Variants in CYB5R4 observed in about 807,000 individuals in gnomAD.
CYB5R4 encodes the protein cytochrome b5 reductase 4.
CYB5R4 carries 55 observed loss-of-function variants against 70.2 expected under a neutral mutation model. The observed-to-expected ratio is 0.78, with a 90% CI of 0.63 to 0.98. The LOEUF (loss-of-function observed/expected upper bound fraction) is 0.98. CYB5R4 is among the 50% of genes least tolerant of loss of function. The pLI is 0.00. For synonymous variants in CYB5R4, 197 were observed against 199.5 expected, an observed-to-expected ratio of 0.99 and a Z score of 0.11; for missense variants, 562 against 612.6, an observed-to-expected ratio of 0.92 and a Z score of 0.87.
At chr6:83,873,949 T>A (rs1215195634) in intron 2 of CYB5R4, among the ~76,000 whole-genome samples, 1 of 151,994 alleles carries the variant, frequency 6.6e-6, no homozygotes, top group Non-Finnish European at 1.5e-5. Context: ...AAAGGATGGG[T>A]GGTGTGTTTA....
chr6:83,959,097 CA>C (rs1275373120), intron 15 of CYB5R4, among the ~76,000 whole-genome samples: 3 of 152,068 alleles, frequency 2.0e-5, no homozygotes, highest in Non-Finnish European at 4.4e-5. Context: ...TGAATAATCA[CA>C]TAATAAATGA....
intron 10 of CYB5R4, among the ~76,000 whole-genome samples, chr6:83,931,403 G>A (rs2099468114): frequency 6.6e-6 from 1 of 152,196 alleles, no homozygotes; most frequent in Non-Finnish European, 1.5e-5. Flanking sequence ...GACTCCTAGT[G>A]CAGTCTTCTC....
intron 4 of CYB5R4, chr6:83,910,296 G>C: frequency 1.6e-6 from 1 of 642,706 alleles, no homozygotes; most frequent in Non-Finnish European, 2.7e-6. Flanking sequence ...AGACAATTTA[G>C]GTAGACAAAG....
intron 2 of CYB5R4, among the ~76,000 whole-genome samples, chr6:83,873,778 G>A (rs1205553824): frequency 6.6e-6 from 1 of 152,104 alleles, no homozygotes; most frequent in East Asian, 1.9e-4. Flanking sequence ...TCTGCTCGGG[G>A]AACAGAAAGT....
chr6:83,912,780 T>G (rs887516685), intron 4 of CYB5R4, among the ~76,000 whole-genome samples: 2 of 152,340 alleles, frequency 1.3e-5, no homozygotes, highest in African/African-American at 4.8e-5. Context: ...GTAACTCAGT[T>G]TTTGAAAAGA....
intron 3 of CYB5R4, among the ~76,000 whole-genome samples, chr6:83,904,986 G>A (rs1231941728): frequency 2.0e-5 from 3 of 149,718 alleles, no homozygotes; most frequent in Non-Finnish European, 4.4e-5. Flanking sequence ...GTGTCCTTAT[G>A]TTGATATTGC....
chr6:83,948,815 T>A (rs182193165), intron 14 of CYB5R4, among the ~76,000 whole-genome samples: 47 of 152,220 alleles, frequency 3.1e-4, no homozygotes, highest in Non-Finnish European at 6.0e-4. Flanking sequence ...GCTGGAGTTT[T>A]GAGGATGAGG....
chr6:83,919,760 C>CTGTGTGTGTG (rs58002492), intron 7 of CYB5R4, among the ~76,000 whole-genome samples: 98 of 142,084 alleles, frequency 6.9e-4, no homozygotes, highest in African/African-American at 2.0e-3. Context: ...ATGTGTTTTT[C>CTGTGTGTGTG]TGTGTGTGTG....
intron 2 of CYB5R4, among the ~76,000 whole-genome samples, chr6:83,885,336 A>AT (rs2099460076): frequency 6.6e-6 from 1 of 152,214 alleles, no homozygotes; most frequent in African/African-American, 2.4e-5. Flanking sequence ...ACTATGAAGA[A>AT]TTTTTGACCT....
At chr6:83,872,341 A>G (rs913624171) in intron 2 of CYB5R4, among the ~76,000 whole-genome samples, 7 of 152,144 alleles carry the variant, frequency 4.6e-5, no homozygotes, top group Admixed American at 1.3e-4. Flanking sequence ...CTAAGTGTTA[A>G]TTTTCACAAC....
intron 12 of CYB5R4, among the ~76,000 whole-genome samples, chr6:83,938,620 G>A (rs1445848815): frequency 6.6e-6 from 1 of 152,182 alleles, no homozygotes; most frequent in Non-Finnish European, 1.5e-5. Context: ...ATTCTGGCAT[G>A]TGTGCTTTAA....
At chr6:83,911,140 C>T (rs551689828) in intron 4 of CYB5R4, among the ~76,000 whole-genome samples, 7 of 152,224 alleles carry the variant, frequency 4.6e-5, no homozygotes, top group Non-Finnish European at 8.8e-5. Flanking sequence ...TGCGGTGGCT[C>T]ATGCCTGTAA....
At position 83,899,811 on chromosome 6, in the gene CYB5R4, A is replaced by G. The variant is rs1437808374; in HGVS notation, c.330+6189A>G. ...GTATTTCTGTGGGATCAGTGGTGAT[A>G]TCCCCTTTATCATTTTTTATTGCAT... On this transcript the variant is annotated intron_variant, in intron 3 of 15. Coordinates refer to ENST00000369681, the MANE Select transcript of CYB5R4 (RefSeq NM_016230.4). Among the ~76,000 whole-genome samples the G allele has an allele frequency of 3.3e-5, 5 of 152,110 alleles. No homozygotes were observed. The East Asian group carries it at 9.6e-4, about 29-fold the overall frequency.
Position 83,963,949 on chromosome 6 carries a change from C to A in CYB5R4, c.*4071C>A. The A allele has an allele frequency of 4.9e-6, 1 of 203,334 alleles. No individual in the cohort carries two copies. Among genetic ancestry groups the A allele is most frequent in the Non-Finnish European group, 9.6e-6 (1 of 103,728 alleles). 12.6% of individuals were successfully genotyped at this position (203,334 alleles called of 1,614,324 possible). A position where few individuals can be genotyped will look rare whatever the true frequency, so the allele number is the denominator to read the frequency against. ...CTGGTGGTTTTATCAGGGGTTTCCG[C>A]TTTTGCATCTTACTCATTTTCTCTT... On this transcript the variant is annotated 3_prime_UTR_variant, in exon 16 of 16. Transcript: ENST00000369681.
rs2129147875 is a variant in CYB5R4, at chr6:83,966,267, C to G, written c.*6389C>G. 6.6e-6 allele frequency: 1 copy of G among 152,082 alleles called. No individual in the cohort carries two copies. The highest frequency in any genetic ancestry group is 1.9e-4 in the East Asian group (1 of 5,178). 9.4% of individuals were successfully genotyped at this position (152,082 alleles called of 1,614,324 possible). A position where few individuals can be genotyped will look rare whatever the true frequency, so the allele number is the denominator to read the frequency against. Reference sequence around the variant, plus strand: ...TACATTTTAAGTAGATGAATTGTATCTAATTTGAACCATATCTCAGTAAAG... The same window carrying G: ...TACATTTTAAGTAGATGAATTGTATGTAATTTGAACCATATCTCAGTAAAG... On this transcript the variant is annotated 3_prime_UTR_variant, in exon 16 of 16. Transcript: ENST00000369681.
chr6:83,905,004 G>A (rs1398488576), intron 3 of CYB5R4, among the ~76,000 whole-genome samples: 1 of 151,310 alleles, frequency 6.6e-6, no homozygotes, highest in Non-Finnish European at 1.5e-5. Context: ...TGCACATCTG[G>A]TGTAACAGTC....
intron 2 of CYB5R4, among the ~76,000 whole-genome samples, chr6:83,884,822 A>G (rs766597615): frequency 6.6e-6 from 1 of 152,204 alleles, no homozygotes; most frequent in Non-Finnish European, 1.5e-5. Context: ...TATTTGGTAT[A>G]TACGTTATAG....
chr6:83,894,236 A>T (rs763325426), intron 3 of CYB5R4, among the ~76,000 whole-genome samples: 27 of 152,348 alleles, frequency 1.8e-4, no homozygotes, highest in Middle Eastern at 3.4e-3. Flanking sequence ...TTTTAAAGTT[A>T]TGCAGAATGT....
intron 14 of CYB5R4, among the ~76,000 whole-genome samples, chr6:83,943,382 T>A (rs1436418149): frequency 6.6e-6 from 1 of 151,602 alleles, no homozygotes; most frequent in African/African-American, 2.4e-5. Flanking sequence ...CTGACTGTTA[T>A]AAGGTAAACT....
Sources: gnomAD v4.1 joint callset for allele counts (sites outside exome capture counted in the v4.1 genomes callset) on GRCh38, gnomAD v4.1.1 for gene constraint, MANE v1.5 for transcripts, NCBI Gene and HGNC (gene_info 2026-07-23, HGNC 2026-07-21) for gene names.